CBFA2T3: variants seen among roughly 807,000 people sequenced by gnomAD.
The protein encoded by CBFA2T3 is transcriptional corepressor CBFA2T3.
A neutral mutation model predicts 58.6 loss-of-function variants in CBFA2T3; 31 were observed. The ratio of observed to expected loss-of-function variants is 0.53; its 90% CI spans 0.40 to 0.71. The LOEUF (loss-of-function observed/expected upper bound fraction) is 0.71. Ranked by LOEUF, CBFA2T3 falls within the 30% of genes least tolerant of loss-of-function variation. CBFA2T3 has a pLI of 0.00. For synonymous variants in CBFA2T3, 531 were observed against 421.9 expected, an observed-to-expected ratio of 1.26 and a Z score of -3.17; for missense variants, 1,076 against 963.1, an observed-to-expected ratio of 1.12 and a Z score of -1.55.
At chr16:88,899,210 C>A (rs561099560) in intron 2 of CBFA2T3, among the ~76,000 whole-genome samples, 6 of 152,218 alleles carry the variant, frequency 3.9e-5, no homozygotes, top group African/African-American at 1.2e-4. Flanking sequence ...GGCCAGTCCC[C>A]GGGGAGGAGC....
At chr16:88,892,662 G>A (rs980789898) in intron 3 of CBFA2T3, among the ~76,000 whole-genome samples, 177 bp from the exon 4 acceptor site, 1 of 152,188 alleles carries the variant, frequency 6.6e-6, no homozygotes, top group African/African-American at 2.4e-5. Flanking sequence ...GCCCGCCCAG[G>A]GCAGCTGAGC....
At chr16:88,926,246 G>C (rs920116208) in intron 1 of CBFA2T3, among the ~76,000 whole-genome samples, 9 of 137,808 alleles carry the variant, frequency 6.5e-5, no homozygotes, top group Non-Finnish European at 1.5e-4. Flanking sequence ...CCAGAGGCGA[G>C]GAGTGAATCT....
chr16:88,913,249 C>T (rs1399974937), intron 1 of CBFA2T3, among the ~76,000 whole-genome samples: 1 of 152,256 alleles, frequency 6.6e-6, no homozygotes, highest in Non-Finnish European at 1.5e-5. Context: ...GAGACACACG[C>T]AGGACAGGGT....
intron 8 of CBFA2T3, 147 bp from the exon 9 acceptor site, chr16:88,881,636 C>T: frequency 4.0e-6 from 3 of 758,824 alleles, no homozygotes; most frequent in Non-Finnish European, 6.2e-6. Context: ...GGAGGGCCCA[C>T]CTCCATGGCT....
At chr16:88,934,817 G>A (rs1971443417) in intron 1 of CBFA2T3, among the ~76,000 whole-genome samples, 1 of 152,204 alleles carries the variant, frequency 6.6e-6, no homozygotes, top group Non-Finnish European at 1.5e-5. Flanking sequence ...TCGGCTCACT[G>A]CAAGCTCTGC....
intron 9 of CBFA2T3, 178 bp from the exon 10 acceptor site, chr16:88,880,966 G>A (rs565138196): frequency 1.3e-5 from 9 of 673,742 alleles, no homozygotes; most frequent in South Asian, 5.0e-5. Flanking sequence ...GCCCGGGCAC[G>A]GGGGGCATTG....
intron 2 of CBFA2T3, among the ~76,000 whole-genome samples, chr16:88,900,461 C>T (rs1478454420): frequency 6.6e-6 from 1 of 152,242 alleles, no homozygotes; most frequent in Non-Finnish European, 1.5e-5. Context: ...CAGGCCTGGC[C>T]TATAGCCACC....
intron 1 of CBFA2T3, among the ~76,000 whole-genome samples, chr16:88,976,092 C>G (rs1176133467): frequency 6.6e-6 from 1 of 152,212 alleles, no homozygotes; most frequent in Non-Finnish European, 1.5e-5. Context: ...CTGGACCCCT[C>G]CCCAGAGCCC....
At chr16:88,928,601 C>A (rs949329060) in intron 1 of CBFA2T3, among the ~76,000 whole-genome samples, 11 of 152,242 alleles carry the variant, frequency 7.2e-5, no homozygotes, top group Non-Finnish European at 1.0e-4. Context: ...GGCGCTGTCA[C>A]CCGCCAGGTG....
intron 11 of CBFA2T3, among the ~76,000 whole-genome samples, chr16:88,878,040 C>A (rs1310092067): frequency 1.3e-5 from 2 of 152,232 alleles, no homozygotes; most frequent in Non-Finnish European, 2.9e-5. Context: ...CTAGGCACTG[C>A]CAGGCACAGT....
chr16:88,956,161 G>A lies in CBFA2T3; in HGVS notation c.151+20496C>T, dbSNP rs74033218. On this transcript the variant is annotated intron_variant, in intron 1 of 11. Transcript: ENST00000268679. ...ATGTCAGTTGTCTGCCAGGAGAGCC[G>A]TGGAGGGCAGCCGCCTGGCCCCAGC... Among the ~76,000 whole-genome samples, 22 of 152,382 alleles carry A rather than the reference G, an allele frequency of 1.4e-4. No homozygotes were observed. In the South Asian group the frequency reaches 2.9e-3, roughly 20 times the overall value.
rs371512868 is a variant in CBFA2T3, at chr16:88,892,472, G to A, written c.393C>T (p.Ser131=). ...WSMVCLLMNG[S]SHSPTAINGA... is the part of the protein sequence containing the mutation. Reference sequence around the variant, plus strand: ...CATTGATGGCTGTTGGTGAGTGGCTGCTGCCGTTCATCACTGCAGGAGGGA... The same window carrying A: ...CATTGATGGCTGTTGGTGAGTGGCTACTGCCGTTCATCACTGCAGGAGGGA... The change falls in exon 4 of 12, where the codon AGC becomes AGT. Residue 131 remains serine (S), a synonymous_variant. Coordinates refer to ENST00000268679, the MANE Select transcript of CBFA2T3 (RefSeq NM_005187.6). 9.9e-5 allele frequency: 160 copies of A among 1,612,682 alleles called. 2 individuals are homozygous for A. The highest frequency in any genetic ancestry group is 8.7e-4 in the South Asian group (79 of 91,086).
intron 1 of CBFA2T3, chr16:88,938,974 G>C (rs55907934): frequency 0.017 from 2,514 of 152,202 alleles, 30 homozygotes; most frequent in Non-Finnish European, 0.025. Flanking sequence ...CCCCAGAGGC[G>C]GCAGCGGCGA....
chr16:88,969,064 A>AT (rs974875782), intron 1 of CBFA2T3, among the ~76,000 whole-genome samples: 4 of 152,140 alleles, frequency 2.6e-5, no homozygotes, highest in African/African-American at 9.7e-5. Flanking sequence ...GTTTTGAGGA[A>AT]TCCCCCATCC....
intron 1 of CBFA2T3, chr16:88,950,926 C>T (rs28617399): frequency 0.25 from 58,241 of 233,530 alleles, 6,956 homozygotes; most frequent in East Asian, 0.55. Context: ...ACCTGTCTTC[C>T]GGATCTGTTC....
intron 1 of CBFA2T3, among the ~76,000 whole-genome samples, chr16:88,969,051 C>G (rs368966244): frequency 5.3e-5 from 8 of 152,290 alleles, no homozygotes; most frequent in African/African-American, 1.9e-4. Flanking sequence ...GCCTGGTGCC[C>G]CCGTTTTGAG....
At chr16:88,886,260 A>G in intron 5 of CBFA2T3, 118 bp from the exon 6 acceptor site, 1 of 634,976 alleles carries the variant, frequency 1.6e-6, no homozygotes. Context: ...CGGGCCTCAA[A>G]GGTCAAGGTG....
chr16:88,966,033 T>C (rs11642017), intron 1 of CBFA2T3, among the ~76,000 whole-genome samples: 12,689 of 152,238 alleles, frequency 0.083, 700 homozygotes, highest in Non-Finnish European at 0.12. Context: ...CATGGGTGCA[T>C]ACAGAGTTCC....
At chr16:88,897,955 A>G in intron 3 of CBFA2T3, 123 bp downstream of exon 3, 1 of 747,038 alleles carries the variant, frequency 1.3e-6, no homozygotes, top group East Asian at 2.5e-5. Flanking sequence ...AACAGAGGCA[A>G]TGCTGAGGGT....
Sources: allele counts gnomAD v4.1 joint callset (sites outside exome capture counted in the v4.1 genomes callset), GRCh38; gene constraint gnomAD v4.1.1; transcripts MANE v1.5; gene names NCBI Gene and HGNC (gene_info 2026-07-23, HGNC 2026-07-21).